SEMA6D: variants seen among roughly 807,000 people sequenced by gnomAD.
SEMA6D encodes the protein semaphorin 6D.
In SEMA6D, 35 loss-of-function variants were observed where a neutral mutation model predicts 106.6. That is an observed-to-expected ratio of 0.33 (90% CI 0.25 to 0.44). The LOEUF (loss-of-function observed/expected upper bound fraction) is 0.44. Ranked by LOEUF, SEMA6D falls within the 20% of genes least tolerant of loss-of-function variation. The pLI is 1.00. For synonymous variants in SEMA6D, 499 were observed against 487.7 expected, an observed-to-expected ratio of 1.02 and a Z score of -0.31; for missense variants, 1,185 against 1,345.9, an observed-to-expected ratio of 0.88 and a Z score of 1.87.
chr15:47,741,389 G>C (rs2080804636), intron 1 of SEMA6D, among the ~76,000 whole-genome samples: 1 of 152,146 alleles, frequency 6.6e-6, no homozygotes, highest in Admixed American at 6.5e-5. Flanking sequence ...TGACATCTAC[G>C]TATTAAACCT....
chr15:47,231,265 A>G (rs552393033), intron 1 of SEMA6D, among the ~76,000 whole-genome samples: 8 of 152,108 alleles, frequency 5.3e-5, no homozygotes, highest in African/African-American at 1.9e-4. Context: ...AGCCTGGACT[A>G]GCATTGTCTT....
At position 47,721,541 on chromosome 15, in the gene SEMA6D, ATT is replaced by A. The variant is rs920576357; in HGVS notation, c.-55+3852_-55+3853del. ...CGGAGAGAATAAAAATCACATAACT[ATT>A]TTAAACATACCATAACACTTTCTAG... On this transcript the variant is annotated intron_variant, in intron 1 of 18. Coordinates refer to ENST00000536845, the MANE Select transcript of SEMA6D (RefSeq NM_001358351.3). Among the ~76,000 whole-genome samples, 3 of 152,212 alleles carry A rather than the reference ATT, an allele frequency of 2.0e-5. No homozygotes were observed. The East Asian group carries it at 5.8e-4, about 29-fold the overall frequency.
chr15:47,759,160 G>C (rs540646734), intron 1 of SEMA6D, among the ~76,000 whole-genome samples: 1 of 151,962 alleles, frequency 6.6e-6, no homozygotes, highest in Non-Finnish European at 1.5e-5. Flanking sequence ...AGGGTCATTC[G>C]TGTCATTGTC....
At position 47,616,458 on chromosome 15, in the gene SEMA6D, T is replaced by G. The variant is rs566612815; in HGVS notation, c.-55+15562T>G. On this transcript the variant is annotated intron_variant, in intron 4 of 19. Coordinates refer to the SEMA6D transcript ENST00000558014. ...GTGCTGGAATTACATGTGTGAGCCATCATACCCAGCCTAAAAATCTCTATT... is the reference window on the plus strand; with the variant it reads ...GTGCTGGAATTACATGTGTGAGCCAGCATACCCAGCCTAAAAATCTCTATT... Among the ~76,000 whole-genome samples the G allele has an allele frequency of 9.1e-4, 139 of 152,080 alleles. 1 individual carries two copies. The highest frequency in any genetic ancestry group is 3.3e-3 in the African/African-American group (137 of 41,490).
chr15:47,546,793 C>A (rs2045535530), intron 3 of SEMA6D, among the ~76,000 whole-genome samples: 1 of 151,884 alleles, frequency 6.6e-6, no homozygotes, highest in African/African-American at 2.4e-5. Context: ...TGGAGATCAA[C>A]CATAGCTACC....
At chr15:47,467,851 G>A (rs2042710723) in intron 2 of SEMA6D, among the ~76,000 whole-genome samples, 1 of 152,132 alleles carries the variant, frequency 6.6e-6, no homozygotes, top group Non-Finnish European at 1.5e-5. Context: ...AAGAAGACCA[G>A]TTTGAACTCC....
At chr15:47,287,658 T>C (rs966517510) in intron 1 of SEMA6D, among the ~76,000 whole-genome samples, 1 of 152,178 alleles carries the variant, frequency 6.6e-6, no homozygotes, top group Non-Finnish European at 1.5e-5. Flanking sequence ...CTTCCTTCGT[T>C]GCTAATTTTT....
intron 1 of SEMA6D, among the ~76,000 whole-genome samples, chr15:47,191,695 G>T (rs954753844): frequency 6.6e-6 from 1 of 152,166 alleles, no homozygotes; most frequent in Admixed American, 6.5e-5. Flanking sequence ...AAATAAATGT[G>T]TAGATGAAAT....
intron 2 of SEMA6D, among the ~76,000 whole-genome samples, chr15:47,425,783 C>T (rs748680930): frequency 4.0e-5 from 6 of 151,092 alleles, no homozygotes; most frequent in Admixed American, 6.6e-5. Context: ...CGAGGTAAAG[C>T]GAGGTAAAGG....
chr15:47,551,990 C>A (rs1310181079), intron 3 of SEMA6D, among the ~76,000 whole-genome samples: 1 of 151,846 alleles, frequency 6.6e-6, no homozygotes, highest in Admixed American at 6.6e-5. Flanking sequence ...GCATTTTGAC[C>A]TGGTAATCCC....
chr15:47,725,788 A>C (rs1396095190), intron 1 of SEMA6D, among the ~76,000 whole-genome samples: 2 of 151,632 alleles, frequency 1.3e-5, no homozygotes, highest in Non-Finnish European at 3.0e-5. Context: ...GAAAACAGTT[A>C]CATTAGGGAA....
intron 1 of SEMA6D, among the ~76,000 whole-genome samples, chr15:47,251,119 GA>G (rs898506855): frequency 1.3e-5 from 2 of 152,038 alleles, no homozygotes; most frequent in African/African-American, 4.8e-5. Flanking sequence ...CCCAATACAA[GA>G]AAAATTGCAA....
intron 1 of SEMA6D, among the ~76,000 whole-genome samples, chr15:47,211,011 G>T (rs145361248): frequency 6.6e-6 from 1 of 151,894 alleles, no homozygotes; most frequent in African/African-American, 2.4e-5. Context: ...TATATAATTA[G>T]AAATTTTAAA....
intron 1 of SEMA6D, among the ~76,000 whole-genome samples, chr15:47,186,830 C>T (rs537873731): frequency 6.6e-6 from 1 of 152,300 alleles, no homozygotes; most frequent in African/African-American, 2.4e-5. Context: ...ACTCCAAATT[C>T]TTACCCAGAT....
intron 3 of SEMA6D, among the ~76,000 whole-genome samples, chr15:47,586,944 C>T (rs1380396915): frequency 3.6e-5 from 5 of 140,602 alleles, no homozygotes; most frequent in Non-Finnish European, 6.0e-5. Context: ...GCTCTCTTCT[C>T]CCCAGGGTGT....
At chr15:47,624,482 A>G (rs1173496248) in intron 4 of SEMA6D, among the ~76,000 whole-genome samples, 1 of 152,212 alleles carries the variant, frequency 6.6e-6, no homozygotes, top group Non-Finnish European at 1.5e-5. Flanking sequence ...ACATAATGTG[A>G]AAATAGATGG....
chr15:47,279,615 G>T (rs2142469297), intron 1 of SEMA6D, among the ~76,000 whole-genome samples: 1 of 151,172 alleles, frequency 6.6e-6, no homozygotes, highest in South Asian at 2.1e-4. Flanking sequence ...AGTTTTCAAA[G>T]GGAATGCTTT....
At chr15:47,415,583 T>A (rs1257272849) in intron 2 of SEMA6D, among the ~76,000 whole-genome samples, 1 of 151,972 alleles carries the variant, frequency 6.6e-6, no homozygotes, top group African/African-American at 2.4e-5. Context: ...ACAATCCAGG[T>A]TTTTTTTAGC....
intron 4 of SEMA6D, among the ~76,000 whole-genome samples, chr15:47,703,137 C>A (rs770515543): frequency 6.6e-6 from 1 of 152,102 alleles, no homozygotes; most frequent in African/African-American, 2.4e-5. Context: ...CAAAAAGACA[C>A]GATCCACTGA....
Sources: allele counts gnomAD v4.1 joint callset (sites outside exome capture counted in the v4.1 genomes callset), GRCh38; gene constraint gnomAD v4.1.1; transcripts MANE v1.5; gene names NCBI Gene and HGNC (gene_info 2026-07-23, HGNC 2026-07-21).